The following PUS7L variants were observed in gnomAD, a reference collection of about 807,000 sequenced individuals.
PUS7L encodes pseudouridylate synthase PUS7L.
PUS7L carries 49 observed loss-of-function variants against 51.1 expected under a neutral mutation model. The observed-to-expected ratio is 0.96, with a 90% CI of 0.76 to 1.22. PUS7L has a LOEUF of 1.22. PUS7L is among the 50% of genes most tolerant of loss of function. The pLI, the probability that PUS7L is intolerant of heterozygous loss-of-function variation, is 0.00. For missense variants in PUS7L, 828 were observed against 820.6 expected, an observed-to-expected ratio of 1.01 and a Z score of -0.11; for synonymous variants, 277 against 276.2, an observed-to-expected ratio of 1.00 and a Z score of -0.03.
At position 43,742,410 on chromosome 12, in the gene PUS7L, G is replaced by A. The variant is rs369758967; in HGVS notation, c.1362+47C>T. 193 of 1,331,646 alleles carry A rather than the reference G, an allele frequency of 1.4e-4. 1 individual carries two copies. The highest frequency in any genetic ancestry group is 2.0e-4 in the Non-Finnish European group (184 of 935,192). The allele number at this position is 1,331,646 out of a possible 1,614,324, so 82.5% of individuals were successfully genotyped here. Reference sequence around the variant, plus strand: ...AGCAAGGAGCTGGGTTATGTAGTAAGTATAATTGACAGAAACAGATAAGAT... The same window carrying A: ...AGCAAGGAGCTGGGTTATGTAGTAAATATAATTGACAGAAACAGATAAGAT... On this transcript the variant is annotated intron_variant, in intron 5 of 8. Transcript: ENST00000344862.
At position 43,730,512 on chromosome 12, in the gene PUS7L, T is replaced by G. The variant is rs754406017; in HGVS notation, c.1970A>C (p.Glu657Ala). 1 of 1,613,750 alleles carries G rather than the reference T, an allele frequency of 6.2e-7. No homozygotes were observed. Among genetic ancestry groups the G allele is most frequent in the Non-Finnish European group, 8.5e-7 (1 of 1,179,852 alleles). Residue 657 changes from glutamate to alanine, a missense_variant, in exon 9 of 9, where the codon GAA becomes GCA. By Grantham distance (107) the Glu-to-Ala change is moderately radical (BLOSUM62 -1). Transcript: ENST00000344862. ...HPCNLSYQLMEDHDIDVKTKG... is the reference protein window; with the variant it reads ...HPCNLSYQLMADHDIDVKTKG... ...CGTTTTGACATCAATGTCATGATCT[T>G]CCATTAGTTGGTATGAGAGATTACA...
intron 4 of PUS7L, 195 bp from the exon 5 acceptor site, chr12:43,742,750 G>C (rs1937963943): frequency 1.6e-6 from 1 of 626,130 alleles, no homozygotes; most frequent in Middle Eastern, 8.1e-4. Flanking sequence ...TTAGAAGTTA[G>C]AACATAAAAC....
chr12:43,731,788 G>T (rs749809045), intron 7 of PUS7L, 30 bp from the exon 8 acceptor site: 9 of 1,388,344 alleles, frequency 6.5e-6, no homozygotes, highest in Non-Finnish European at 9.1e-6. Flanking sequence ...AAATATGAAT[G>T]ATTCCCAAAT....
rs1364986630 is a variant in PUS7L at position 43,755,204 on chromosome 12, C to G, written c.42G>C (p.Leu14Phe). Reference protein sequence around the residue: ...DTDYRIRFSSLCFFNDHVGFH... With the variant: ...DTDYRIRFSSFCFFNDHVGFH... ...ATCCAACGTGATCATTAAAGAAACACAAAGAACTAAACCTGATTCTATAAT... is the reference window on the plus strand; with the variant it reads ...ATCCAACGTGATCATTAAAGAAACAGAAAGAACTAAACCTGATTCTATAAT... The change falls in exon 2 of 9, where the codon TTG becomes TTC. Residue 14 changes from leucine to phenylalanine, a missense_variant. Leu to Phe is a conservative substitution (Grantham distance 22). Coordinates refer to ENST00000344862, the MANE Select transcript of PUS7L (RefSeq NM_031292.5). 1.2e-6 allele frequency: 2 copies of G among 1,610,438 alleles called. No homozygotes were observed. Among genetic ancestry groups the G allele is most frequent in the Admixed American group, 1.7e-5 (1 of 59,302 alleles).
rs540545574 is a variant in PUS7L, at chr12:43,723,432, A to T, written c.*6944T>A. ...AGATGCTTAGAAATGCTAAATAAGTATCATTTAAGGATTTAGAATGGAGTG... is the reference window on the plus strand; with the variant it reads ...AGATGCTTAGAAATGCTAAATAAGTTTCATTTAAGGATTTAGAATGGAGTG... On this transcript the variant is annotated 3_prime_UTR_variant, in exon 9 of 9. Coordinates refer to ENST00000344862, the MANE Select transcript of PUS7L (RefSeq NM_031292.5). 2.0e-5 allele frequency: 3 copies of T among 152,270 alleles called. No homozygotes were observed. The East Asian group carries it at 5.8e-4, about 29-fold the overall frequency. 9.4% of individuals were successfully genotyped at this position (152,270 alleles called of 1,614,324 possible). A position where few individuals can be genotyped will look rare whatever the true frequency, so the allele number is the denominator to read the frequency against.
chr12:43,739,974 G>C (rs1937813177), intron 5 of PUS7L: 1 of 152,032 alleles, frequency 6.6e-6, no homozygotes, highest in Non-Finnish European at 1.5e-5. Flanking sequence ...ATACATTTCA[G>C]ACTGGACCAA....
Position 43,727,642 on chromosome 12 carries a change from T to C in PUS7L, c.*2734A>G, listed in dbSNP as rs1356277137. The C allele has an allele frequency of 2.0e-5, 3 of 152,060 alleles. No individual in the cohort carries two copies. Among genetic ancestry groups the C allele is most frequent in the Non-Finnish European group, 4.4e-5 (3 of 68,004 alleles). 9.4% of individuals were successfully genotyped at this position (152,060 alleles called of 1,614,324 possible). A position where few individuals can be genotyped will look rare whatever the true frequency, so the allele number is the denominator to read the frequency against. On this transcript the variant is annotated 3_prime_UTR_variant, in exon 9 of 9. Coordinates refer to ENST00000344862, the MANE Select transcript of PUS7L (RefSeq NM_031292.5). ...GTGGGAGCTGAACTTTGAGTACACT[T>C]GGACTCTAAGAAGGGAACAATAGGC...
At position 43,726,217 on chromosome 12, in the gene PUS7L, T is replaced by C. The variant is rs1211230658; in HGVS notation, c.*4159A>G. On this transcript the variant is annotated 3_prime_UTR_variant, in exon 9 of 9. Coordinates refer to ENST00000344862, the MANE Select transcript of PUS7L (RefSeq NM_031292.5). ...AGACACATAGACCAATGGAACAGGT[T>C]AGAGAACCCAGAAATAAAGGCCACA... 6.6e-6 allele frequency: 1 copy of C among 152,082 alleles called. No homozygotes were observed. The highest frequency in any genetic ancestry group is 1.5e-5 in the Non-Finnish European group (1 of 68,004). 9.4% of individuals were successfully genotyped at this position (152,082 alleles called of 1,614,324 possible). A position where few individuals can be genotyped will look rare whatever the true frequency, so the allele number is the denominator to read the frequency against.
chr12:43,738,448 A>T, intron 5 of PUS7L, 57 bp from the exon 6 acceptor site: 1 of 900,456 alleles, frequency 1.1e-6, no homozygotes, highest in South Asian at 1.4e-5. Flanking sequence ...TACTTTCTTT[A>T]AAAAAAGATG....
In PUS7L at chr12:43,730,547, C is replaced by T. The variant is rs779926575; in HGVS notation, c.1935G>A (p.Leu645=). The T allele has an allele frequency of 1.2e-6, 2 of 1,613,880 alleles. No homozygotes were observed. The highest frequency in any genetic ancestry group is 3.3e-5 in the Admixed American group (2 of 60,006). ...LNIPGCYRQI[L]KHPCNLSYQL... ...GGTATGAGAGATTACAGGGATGTTT[C>T]AAAATCTGTCTATAGCAACCTGGTA... is the stretch of plus-strand genomic sequence containing the variant. Residue 645 remains leucine, a synonymous_variant, in exon 9 of 9, where the codon TTG becomes TTA. Coordinates refer to ENST00000344862, the MANE Select transcript of PUS7L (RefSeq NM_031292.5).
chr12:43,736,119 C>A (rs958267817), intron 7 of PUS7L, among the ~76,000 whole-genome samples: 5 of 151,952 alleles, frequency 3.3e-5, no homozygotes, highest in Admixed American at 2.0e-4. Flanking sequence ...TTTGTGTAAT[C>A]TTTTTTAAAA....
intron 3 of PUS7L, 89 bp downstream of exon 3, chr12:43,748,361 G>A: frequency 2.5e-6 from 2 of 792,760 alleles, no homozygotes; most frequent in Non-Finnish European, 3.9e-6. Context: ...ATATTTGAAT[G>A]CAGTACAGGA....
At position 43,725,360 on chromosome 12, in the gene PUS7L, G is replaced by T. The variant is rs1944440260; in HGVS notation, c.*5016C>A. On this transcript the variant is annotated 3_prime_UTR_variant, in exon 9 of 9. Transcript: ENST00000344862. Reference sequence around the variant, plus strand: ...TCTCTCCCAAGACATGCCCCAATATGCCTATTAAATCAATGGCAAGTTATA... The same window carrying T: ...TCTCTCCCAAGACATGCCCCAATATTCCTATTAAATCAATGGCAAGTTATA... 1 of 151,798 alleles carries T rather than the reference G, an allele frequency of 6.6e-6. No individual in the cohort carries two copies. The highest frequency in any genetic ancestry group is 1.5e-5 in the Non-Finnish European group (1 of 67,990). 9.4% of individuals were successfully genotyped at this position (151,798 alleles called of 1,614,324 possible).
chr12:43,747,819 C>T (rs929085875), intron 3 of PUS7L, among the ~76,000 whole-genome samples: 1 of 152,192 alleles, frequency 6.6e-6, no homozygotes, highest in Non-Finnish European at 1.5e-5. Context: ...GACGGAGTCT[C>T]GCTCTGTCGC....
At chr12:43,752,071 T>A (rs1938478904) in intron 2 of PUS7L, among the ~76,000 whole-genome samples, 1 of 152,236 alleles carries the variant, frequency 6.6e-6, no homozygotes, top group Non-Finnish European at 1.5e-5. Context: ...TAAATTTGTT[T>A]GAGTTCTTTG....
At chr12:43,758,235 A>C (rs1367421571) in intron 1 of PUS7L, 1 of 834,458 alleles carries the variant, frequency 1.2e-6, no homozygotes, top group East Asian at 1.2e-4. Flanking sequence ...ACAGGTAGGG[A>C]AACTTGGGGA....
Position 43,736,337 on chromosome 12 carries a change from G to T in PUS7L, c.1725+44C>A, listed in dbSNP as rs760771711. The T allele has an allele frequency of 2.6e-6, 4 of 1,539,562 alleles. No individual in the cohort carries two copies. The East Asian group carries it at 6.8e-5, about 26-fold the overall frequency. On this transcript the variant is annotated intron_variant, in intron 7 of 8. Transcript: ENST00000344862. ...GGGCTTTTGAAAAATTCATGTTCTG[G>T]TATAGTAACTACTCTTGGAAAACTC...
In PUS7L at chr12:43,736,470, T is replaced by C. The variant is rs181203993; in HGVS notation, c.1636A>G (p.Arg546Gly). Reference protein sequence around the residue: ...SKIWNEAVSYRLETYGARVVQ... With the variant: ...SKIWNEAVSYGLETYGARVVQ... ...ACTCTTGCTCCATAGGTTTCAAGTC[T>C]GTAAGATACTGCCTCATTCCAAATT... Residue 546 changes from arginine (R) to glycine (G), a missense_variant, in exon 7 of 9, where the codon AGA becomes GGA. Coordinates refer to ENST00000344862, the MANE Select transcript of PUS7L (RefSeq NM_031292.5). 1.6e-5 allele frequency: 26 copies of C among 1,614,228 alleles called. No homozygotes were observed. The East Asian group carries it at 2.9e-4, about 18-fold the overall frequency.
chr12:43,755,330 G>A (rs1938652268), intron 1 of PUS7L, 69 bp from the exon 2 acceptor site: 1 of 918,642 alleles, frequency 1.1e-6, no homozygotes, highest in African/African-American at 1.7e-5. Context: ...ATAGGAATAG[G>A]TTTGCAGGAT....
Sources: allele counts gnomAD v4.1 joint callset (sites outside exome capture counted in the v4.1 genomes callset), GRCh38; gene constraint gnomAD v4.1.1; transcripts MANE v1.5; gene names NCBI Gene and HGNC (gene_info 2026-07-23, HGNC 2026-07-21).